Variants in CUX1 observed in about 807,000 individuals in gnomAD.
CUX1 encodes protein CASP.
In CUX1, 31 loss-of-function variants were observed where a neutral mutation model predicts 158.8. The ratio of observed to expected loss-of-function variants is 0.20; its 90% CI spans 0.15 to 0.26. The LOEUF (loss-of-function observed/expected upper bound fraction) is 0.26, where lower values mean the gene tolerates loss of function less well. Ranked by LOEUF, CUX1 falls within the 10% of genes least tolerant of loss-of-function variation. The pLI is 1.00. For synonymous variants in CUX1, 879 were observed against 862.1 expected (o/e 1.02, Z -0.34); for missense variants, 1,589 against 2,014.6 (o/e 0.79, Z 4.04).
At position 101,819,258 on chromosome 7, in the gene CUX1, T is replaced by C. The variant is rs1448009581; in HGVS notation, c.30+1589T>C. ...TTTTCTTTTTAAATAAGAAAAGCACTGTTGTATAAATTTGTCTTTTAAATA... is the reference window on the plus strand; with the variant it reads ...TTTTCTTTTTAAATAAGAAAAGCACCGTTGTATAAATTTGTCTTTTAAATA... On this transcript the variant is annotated intron_variant, in intron 1 of 23. Coordinates refer to ENST00000292535, the MANE Select transcript of CUX1 (RefSeq NM_181552.4). Among the ~76,000 whole-genome samples the C allele has an allele frequency of 2.0e-5, 3 of 152,226 alleles. No homozygotes were observed. The East Asian group carries it at 5.8e-4, about 29-fold the overall frequency.
chr7:102,275,492 G>A lies in CUX1; in HGVS notation c.1563+133G>A, dbSNP rs565556224. 2.3e-5 allele frequency: 16 copies of A among 692,470 alleles called. No individual in the cohort carries two copies. The African/African-American group carries it at 2.8e-4, about 12-fold the overall frequency. The allele number at this position is 692,470 out of a possible 1,614,324, so 42.9% of individuals were successfully genotyped here. On this transcript the variant is annotated intron_variant, in intron 17 of 22. Coordinates refer to the CUX1 transcript ENST00000292538. Reference sequence around the variant, plus strand: ...GAAGAGATTTGTTCTGTGCAGTCAGGGAGGGCTTCCTGGAGGAGGTCATGC... The same window carrying A: ...GAAGAGATTTGTTCTGTGCAGTCAGAGAGGGCTTCCTGGAGGAGGTCATGC...
chr7:102,248,602 G>T lies in CUX1; in HGVS notation c.4078G>T (p.Glu1360Ter). 6.9e-7 allele frequency: 1 copy of T among 1,457,010 alleles called. No individual in the cohort carries two copies. 90.3% of individuals were successfully genotyped at this position (1,457,010 alleles called of 1,614,324 possible). ...CACCGAGGAGCCCAAGTCTCAGGGA[G>T]AGGCCGAGCGGGAGGAGGTGCCGCG... ...ADTEEPKSQG[E>*]AEREEVPRPA... The change falls in exon 24 of 24, where the codon GAG becomes TAG. Residue 1360 changes from glutamate (E) to a stop codon, truncating the protein, a stop_gained. Coordinates refer to ENST00000292535, the MANE Select transcript of CUX1 (RefSeq NM_181552.4). LOFTEE classifies it low-confidence loss of function (END_TRUNC). The surrounding 1 kb of genome is among the most constrained non-coding windows in gnomAD (Gnocchi z 5.8).
intron 7 of CUX1, among the ~76,000 whole-genome samples, chr7:102,114,299 G>A (rs1043956312): frequency 1.3e-5 from 2 of 152,056 alleles, no homozygotes; most frequent in Admixed American, 6.6e-5. Flanking sequence ...TTTTTGAAAT[G>A]AGTCTCGCTC....
intron 2 of CUX1, among the ~76,000 whole-genome samples, chr7:102,024,255 C>T (rs1176497981): frequency 1.3e-5 from 2 of 152,262 alleles, no homozygotes; most frequent in African/African-American, 2.4e-5. Context: ...CTCTCAGCCA[C>T]ACCAGCTTTC....
chr7:102,229,154 C>T (rs1023206210), intron 21 of CUX1, among the ~76,000 whole-genome samples: 7 of 152,174 alleles, frequency 4.6e-5, no homozygotes, highest in African/African-American at 1.2e-4. Flanking sequence ...GAACTCACTC[C>T]GTCACCCTGG....
intron 8 of CUX1, among the ~76,000 whole-genome samples, chr7:102,134,663 T>A (rs1833695510): frequency 6.6e-6 from 1 of 152,166 alleles, no homozygotes; most frequent in Non-Finnish European, 1.5e-5. Context: ...AGTGGCGCAA[T>A]CACGACTCAC....
chr7:102,143,394 A>G (rs1456737649), intron 8 of CUX1, among the ~76,000 whole-genome samples: 1 of 152,058 alleles, frequency 6.6e-6, no homozygotes, highest in Admixed American at 6.6e-5. Flanking sequence ...TCAGTCTCCA[A>G]AGTAGCTGGG....
At chr7:101,839,007 G>A (rs1180272983) in intron 1 of CUX1, among the ~76,000 whole-genome samples, 1 of 152,208 alleles carries the variant, frequency 6.6e-6, no homozygotes, top group African/African-American at 2.4e-5. Flanking sequence ...AGATGGCCTC[G>A]TTTTTGCTGT....
At chr7:101,834,684 T>G (rs1202115543) in intron 1 of CUX1, among the ~76,000 whole-genome samples, 1 of 152,152 alleles carries the variant, frequency 6.6e-6, no homozygotes, top group African/African-American at 2.4e-5. Context: ...TTTTTAAAGC[T>G]AAAATTCATA....
intron 1 of CUX1, among the ~76,000 whole-genome samples, chr7:101,832,433 AC>A (rs1253393454): frequency 1.3e-5 from 2 of 152,092 alleles, no homozygotes; most frequent in East Asian, 3.9e-4. Flanking sequence ...TGTCCCCAGC[AC>A]CTGCGGTGCA....
chr7:102,000,333 A>G lies in CUX1; in HGVS notation c.142-27765A>G, dbSNP rs533178252. Among the ~76,000 whole-genome samples, 9 of 152,346 alleles carry G rather than the reference A, an allele frequency of 5.9e-5. No homozygotes were observed. The South Asian group carries it at 1.0e-3, about 18-fold the overall frequency. On this transcript the variant is annotated intron_variant, in intron 2 of 23. Coordinates refer to ENST00000292535, the MANE Select transcript of CUX1 (RefSeq NM_181552.4). ...TCTGGACGCTAGCACTAAAATAGCAATCGGACTCTGGATGCCTCTCACAGG... is the reference window on the plus strand; with the variant it reads ...TCTGGACGCTAGCACTAAAATAGCAGTCGGACTCTGGATGCCTCTCACAGG...
At chr7:102,024,187 C>CCAGCTGCG (rs935751417) in intron 2 of CUX1, among the ~76,000 whole-genome samples, 3 of 152,222 alleles carry the variant, frequency 2.0e-5, no homozygotes, top group Admixed American at 1.3e-4. Flanking sequence ...GCGCCCCAGC[C>CCAGCTGCG]CCCTGCTCTC....
At chr7:102,273,525 C>T (rs781916478) in intron 15 of CUX1, 21 of 1,588,470 alleles carry the variant, frequency 1.3e-5, no homozygotes, top group South Asian at 1.2e-4. Context: ...ATGCCCATCT[C>T]GATACCTGCC....
At chr7:102,047,707 C>G (rs1442542245) in intron 3 of CUX1, among the ~76,000 whole-genome samples, 2 of 152,148 alleles carry the variant, frequency 1.3e-5, no homozygotes, top group East Asian at 3.8e-4. Context: ...CTCAGTCATA[C>G]AGTATTTATT....
chr7:102,041,368 C>T (rs934478612), intron 3 of CUX1, among the ~76,000 whole-genome samples: 1 of 143,350 alleles, frequency 7.0e-6, no homozygotes, highest in African/African-American at 2.6e-5. Flanking sequence ...GATTCTCCTG[C>T]CTTAGCCTCC....
upstream of CUX1, chr7:101,816,104 T>C (rs750718098): frequency 1.3e-5 from 17 of 1,350,284 alleles, no homozygotes; most frequent in South Asian, 1.6e-4. Flanking sequence ...GTCAGGCTCC[T>C]CCGCGCTCGG....
chr7:102,259,035 G>A (rs1269009845), downstream of CUX1, among the ~76,000 whole-genome samples: 1 of 152,192 alleles, frequency 6.6e-6, no homozygotes, highest in Non-Finnish European at 1.5e-5. Flanking sequence ...GTGGAAGTGG[G>A]GGATGACTTG....
intron 7 of CUX1, among the ~76,000 whole-genome samples, chr7:102,114,194 T>TA (rs1408588565): frequency 1.3e-5 from 2 of 152,238 alleles, no homozygotes; most frequent in South Asian, 2.1e-4. Context: ...GGGTAGAAAA[T>TA]AAAAAAAGAT....
intron 14 of CUX1, among the ~76,000 whole-genome samples, chr7:102,273,067 A>G (rs2960235): frequency 0.9 from 136,670 of 152,304 alleles, 61,540 homozygotes; most frequent in East Asian, 0.97. Context: ...GCAGAGCCAC[A>G]TTGCACCGGT....
Sources: gnomAD v4.1 joint callset for allele counts (sites outside exome capture counted in the v4.1 genomes callset) on GRCh38, gnomAD v4.1.1 for gene constraint, Gnocchi (gnomAD v3.1) non-coding constraint, MANE v1.5 for transcripts, NCBI Gene and HGNC (gene_info 2026-07-23, HGNC 2026-07-21) for gene names.